Variants in TNMD observed in about 807,000 individuals in gnomAD.
TNMD encodes the protein BRICHOS domain containing 4.
TNMD carries 15 observed loss-of-function variants against 26.9 expected under a neutral mutation model. The ratio of observed to expected loss-of-function variants is 0.56; its 90% CI spans 0.37 to 0.86. The LOEUF (loss-of-function observed/expected upper bound fraction) is 0.86, where lower values mean the gene tolerates loss of function less well. Ranked by LOEUF, TNMD falls within the 40% of genes least tolerant of loss-of-function variation. The probability of loss-of-function intolerance (pLI) is 0.00; values close to 1 mark genes in which losing one functional copy is unlikely to be tolerated. For synonymous variants in TNMD, 73 were observed against 77.0 expected (o/e 0.95, Z 0.27); for missense variants, 222 against 242.6 (o/e 0.92, Z 0.56).
chrX:100,596,387 T>A (rs780342802), intron 4 of TNMD, among the ~76,000 whole-genome samples: 1 of 112,110 alleles, frequency 8.9e-6, no homozygotes, highest in Non-Finnish European at 1.9e-5. Context: ...ATGTCTCATT[T>A]TGGCCCTAAT....
In TNMD at chrX:100,593,935, A is replaced by G. The variant is rs1432390668; in HGVS notation, c.221A>G (p.Lys74Arg). 2.5e-6 allele frequency: 3 copies of G among 1,210,660 alleles called. No homozygotes were observed. In the South Asian group the frequency reaches 5.3e-5, roughly 21 times the overall value. Reference protein sequence around the residue: ...MEHTFYSNGEKKKIYMEIDPV... With the variant: ...MEHTFYSNGERKKIYMEIDPV... ...CACACTTTCTACAGCAATGGAGAGAAGAAGAAGATTTACATGGAAATTGAT... is the reference window on the plus strand; with the variant it reads ...CACACTTTCTACAGCAATGGAGAGAGGAAGAAGATTTACATGGAAATTGAT... Residue 74 changes from lysine to arginine, a missense_variant, in exon 3 of 7, where the codon AAG becomes AGG. Physicochemically the swap from Lys to Arg is conservative, Grantham distance 26. Transcript: ENST00000373031.
In TNMD at chrX:100,585,274, T is replaced by C. The variant is rs779017914; in HGVS notation, c.92T>C (p.Ile31Thr). The C allele has an allele frequency of 8.3e-7, 1 of 1,208,227 alleles. No individual in the cohort carries two copies. The highest frequency in any genetic ancestry group is 3.0e-5 in the East Asian group (1 of 33,781). The stretch of plus-strand genomic sequence containing the variant: ...AAGAAAATATGTAAATCACTTAAGA[T>C]TTGTGGACTGGTGTTTGGTATCCTG... ...KSKKICKSLK[I>T]CGLVFGILAL... Residue 31 changes from isoleucine (I) to threonine (T), a missense_variant, in exon 2 of 7, where the codon ATT becomes ACT. By Grantham distance (89) the Ile-to-Thr change is moderately conservative. Coordinates refer to ENST00000373031, the MANE Select transcript of TNMD (RefSeq NM_022144.3).
chrX:100,595,177 C>A lies in TNMD; in HGVS notation c.423+815C>A, dbSNP rs776624402. On this transcript the variant is annotated intron_variant, in intron 4 of 6. Transcript: ENST00000373031. The stretch of plus-strand genomic sequence containing the variant: ...GTCATATTGTGACAGCATATCCCCA[C>A]TATAGCAAGAAAAAACAAACATTGG... Among the ~76,000 whole-genome samples the A allele has an allele frequency of 7.3e-4, 82 of 112,162 alleles. 1 individual carries two copies. The highest frequency in any genetic ancestry group is 4.6e-3 in the Middle Eastern group (1 of 217).
In TNMD at chrX:100,599,244, T is replaced by C; in HGVS notation, c.744+62T>C. On this transcript the variant is annotated intron_variant, in intron 6 of 6. Transcript: ENST00000373031. ...AAAAAAGAGCCCTCACAAAACTTAC[T>C]ACCCCTCAGATCACAATCATTGGAA... 4 of 934,754 alleles carry C rather than the reference T, an allele frequency of 4.3e-6. No homozygotes were observed. The South Asian group carries it at 8.2e-5, about 19-fold the overall frequency. 77.0% of individuals were successfully genotyped at this position (934,754 alleles called of 1,213,427 possible).
intron 5 of TNMD, among the ~76,000 whole-genome samples, chrX:100,598,811 T>G (rs1225499699): frequency 9.0e-6 from 1 of 111,562 alleles, no homozygotes; most frequent in African/African-American, 3.3e-5. Context: ...AGCAAAGAAG[T>G]TTGTGTATGT....
At position 100,585,306 on chromosome X, in the gene TNMD, AC is replaced by A. The variant is rs1569341296; in HGVS notation, c.125del (p.Thr42IlefsTer2). The A allele has an allele frequency of 5.8e-6, 7 of 1,210,720 alleles. No homozygotes were observed. The highest frequency in any genetic ancestry group is 7.8e-6 in the Non-Finnish European group (7 of 894,895). On this transcript the variant is annotated frameshift_variant, in exon 2 of 7. Transcript: ENST00000373031. LOFTEE classifies it high-confidence loss of function. ...ACTGGTGTTTGGTATCCTGGCCCTA[AC>A]TCTAATTGTCCTGTTTTGGGGGAGC... is the stretch of plus-strand genomic sequence containing the variant. ...CGLVFGILAL[T>X]LIVLFWGSKH...
At chrX:100,586,386 G>C (rs1415269223) in intron 2 of TNMD, among the ~76,000 whole-genome samples, 1 of 111,608 alleles carries the variant, frequency 9.0e-6, no homozygotes, top group African/African-American at 3.3e-5. Context: ...ACAAGAAAAT[G>C]GGTTGGCATG....
At chrX:100,595,864 A>T (rs1241800468) in intron 4 of TNMD, among the ~76,000 whole-genome samples, 1 of 112,087 alleles carries the variant, frequency 8.9e-6, no homozygotes, top group Non-Finnish European at 1.9e-5. Context: ...ATTAGGAATG[A>T]CTATAGAAGG....
At chrX:100,586,587 A>G (rs746110029) in intron 2 of TNMD, among the ~76,000 whole-genome samples, 1 of 111,703 alleles carries the variant, frequency 9.0e-6, no homozygotes, top group South Asian at 3.8e-4. Flanking sequence ...GTCCCAAAGG[A>G]TATCTTATCA....
intron 5 of TNMD, among the ~76,000 whole-genome samples, chrX:100,598,405 A>G (rs1039979616): frequency 8.0e-5 from 9 of 112,147 alleles, no homozygotes; most frequent in African/African-American, 2.9e-4. Context: ...AGAAAAAAAC[A>G]TTAGTAGAAA....
Position 100,585,051 on chromosome X carries a change from C to T in TNMD, c.33C>T (p.Asp11=). Residue 11 remains aspartate (D), a synonymous_variant, in exon 1 of 7, where the codon GAC becomes GAT. Transcript: ENST00000373031. ...AGAATCCTCCAGAGAATTGTGAAGA[C>T]TGTCACATTCTAAATGTAAGTTGAT... The part of the protein sequence containing the change: MAKNPPENCE[D]CHILNAEAFK... 2 of 1,209,579 alleles carry T rather than the reference C, an allele frequency of 1.7e-6. No individual in the cohort carries two copies. The highest frequency in any genetic ancestry group is 2.2e-6 in the Non-Finnish European group (2 of 894,011).
intron 2 of TNMD, among the ~76,000 whole-genome samples, chrX:100,591,550 C>G (rs1053025759): frequency 1.8e-5 from 2 of 111,551 alleles, no homozygotes; most frequent in Non-Finnish European, 3.8e-5. Flanking sequence ...ATACCCATCT[C>G]CAAACAGTCC....
chrX:100,590,938 C>A (rs774576076), intron 2 of TNMD, among the ~76,000 whole-genome samples: 6 of 111,453 alleles, frequency 5.4e-5, no homozygotes, highest in Non-Finnish European at 1.1e-4. Flanking sequence ...TGAAGTATTG[C>A]ACTCAAATTT....
intron 2 of TNMD, among the ~76,000 whole-genome samples, chrX:100,588,313 C>G (rs1602685316): frequency 9.0e-6 from 1 of 110,935 alleles, no homozygotes; most frequent in South Asian, 3.8e-4. Context: ...CAGACACACA[C>G]ACACACACAC....
intron 2 of TNMD, among the ~76,000 whole-genome samples, chrX:100,591,929 C>T (rs973470525): frequency 2.7e-5 from 3 of 111,303 alleles, no homozygotes; most frequent in Non-Finnish European, 3.8e-5. Context: ...CACAGAAGCA[C>T]ACTGAAATTC....
In TNMD at chrX:100,593,891, C is replaced by G; in HGVS notation, c.181-4C>G. The G allele has an allele frequency of 5.0e-6, 6 of 1,208,607 alleles. No homozygotes were observed. The highest frequency in any genetic ancestry group is 6.7e-6 in the Non-Finnish European group (6 of 894,114). On this transcript the variant is annotated splice_polypyrimidine_tract_variant and splice_region_variant and intron_variant, in intron 2 of 6. Coordinates refer to ENST00000373031, the MANE Select transcript of TNMD (RefSeq NM_022144.3). Reference sequence around the variant, plus strand: ...TTAGAGATTGTTTTCCTCTGTTCTCCCAGGCCTATGACATGGAGCACACTT... The same window carrying G: ...TTAGAGATTGTTTTCCTCTGTTCTCGCAGGCCTATGACATGGAGCACACTT...
chrX:100,590,015 ATGTC>A (rs1379375643), intron 2 of TNMD, among the ~76,000 whole-genome samples: 1 of 112,169 alleles, frequency 8.9e-6, no homozygotes, highest in Admixed American at 9.4e-5. Context: ...TTGAAAAAGA[ATGTC>A]TGTGCTGCTT....
chrX:100,593,970 A>G lies in TNMD; in HGVS notation c.256A>G (p.Arg86Gly), dbSNP rs746061867. ...TTACATGGAAATTGATCCTGTGACC[A>G]GAACTGAAATATTCAGAAGCGGAAA... is the stretch of plus-strand genomic sequence containing the variant. ...KIYMEIDPVT[R>G]TEIFRSGNGT... Residue 86 changes from arginine (R) to glycine (G), a missense_variant, in exon 3 of 7, where the codon AGA becomes GGA. Arg to Gly is a moderately radical substitution (Grantham distance 125). Coordinates refer to ENST00000373031, the MANE Select transcript of TNMD (RefSeq NM_022144.3). 4 of 1,210,915 alleles carry G rather than the reference A, an allele frequency of 3.3e-6. No homozygotes were observed. The highest frequency in any genetic ancestry group is 4.5e-6 in the Non-Finnish European group (4 of 894,715).
At chrX:100,588,223 A>AGCCATG (rs765225400) in intron 2 of TNMD, among the ~76,000 whole-genome samples, 2 of 111,712 alleles carry the variant, frequency 1.8e-5, no homozygotes, top group African/African-American at 6.5e-5. Context: ...ATTGAGAACA[A>AGCCATG]GCCATGCTTG....
Sources: allele counts gnomAD v4.1 joint callset (sites outside exome capture counted in the v4.1 genomes callset), GRCh38; gene constraint gnomAD v4.1.1; transcripts MANE v1.5; gene names NCBI Gene and HGNC (gene_info 2026-07-23, HGNC 2026-07-21).